Variants in SAMD15 observed in about 807,000 individuals in gnomAD.
SAMD15 encodes sterile alpha motif domain containing 15.
SAMD15 carries 37 observed loss-of-function variants against 50.5 expected under a neutral mutation model. The ratio of observed to expected loss-of-function variants is 0.73; its 90% CI spans 0.56 to 0.96. The LOEUF (loss-of-function observed/expected upper bound fraction) is 0.96, where lower values mean the gene tolerates loss of function less well. SAMD15 is among the 40% of genes least tolerant of loss of function. The pLI is 0.00. For synonymous variants in SAMD15, 255 were observed against 282.8 expected (o/e 0.90, Z 0.99); for missense variants, 789 against 783.8 (o/e 1.01, Z -0.08).
intron 2 of SAMD15, 65 bp downstream of exon 2, chr14:77,380,546 A>G: frequency 9.3e-7 from 1 of 1,078,450 alleles, no homozygotes; most frequent in Non-Finnish European, 1.4e-6. Flanking sequence ...TCTCAAACCA[A>G]CCTTTTTTTC....
rs756886962 is a variant in SAMD15, at chr14:77,377,436, G to T, written c.18G>T (p.Glu6Asp). The T allele has an allele frequency of 1.2e-6, 2 of 1,610,496 alleles. No individual in the cohort carries two copies. The highest frequency in any genetic ancestry group is 3.4e-5 in the Admixed American group (2 of 59,024). MAEVP[E>D]DYDSGPDEDG... The stretch of plus-strand genomic sequence containing the variant: ...AGCTGCAAATGGCTGAAGTCCCGGA[G>T]GATTATGATTCCGGCCCAGATGAAG... Residue 6 changes from glutamate (E) to aspartate (D), a missense_variant, in exon 1 of 3, where the codon GAG becomes GAT. Physicochemically the swap from Glu to Asp is conservative, Grantham distance 45 (BLOSUM62 2). Around this residue, in one of 2 missense-constraint regions of SAMD15, gnomAD observed 770 missense variants for 745.4 expected, o/e 1.03. Transcript: ENST00000216471.
intron 2 of SAMD15, 101 bp downstream of exon 2, chr14:77,380,582 C>A: frequency 1.4e-6 from 1 of 719,124 alleles, no homozygotes; most frequent in Non-Finnish European, 2.5e-6. Flanking sequence ...CCACTTCTGT[C>A]AATGGTGTCA....
intron 2 of SAMD15, among the ~76,000 whole-genome samples, chr14:77,381,728 G>A (rs75079177): frequency 0.026 from 3,929 of 152,160 alleles, 158 homozygotes; most frequent in African/African-American, 0.089. Flanking sequence ...AAGATATAAC[G>A]AAACTTTTTA....
intron 1 of SAMD15, 81 bp downstream of exon 1, chr14:77,379,188 AC>A: frequency 7.7e-7 from 1 of 1,297,810 alleles, no homozygotes; most frequent in South Asian, 1.4e-5. Flanking sequence ...CTGAGCTCTT[AC>A]CTCTTTACCG....
At chr14:77,385,397 C>T (rs8020008) in intron 2 of SAMD15, among the ~76,000 whole-genome samples, 6,495 of 151,674 alleles carry the variant, frequency 0.043, 483 homozygotes, top group African/African-American at 0.15. Flanking sequence ...GCAATTCTTC[C>T]GCCTCAGCCT....
At position 77,378,652 on chromosome 14, in the gene SAMD15, C is replaced by A; in HGVS notation, c.1234C>A (p.Pro412Thr). The A allele has an allele frequency of 6.2e-7, 1 of 1,614,018 alleles. No homozygotes were observed. The highest frequency in any genetic ancestry group is 8.5e-7 in the Non-Finnish European group (1 of 1,179,990). Residue 412 changes from proline (P) to threonine (T), a missense_variant, in exon 1 of 3, where the codon CCA becomes ACA. Around this residue, in one of 2 missense-constraint regions of SAMD15, gnomAD observed 770 missense variants for 745.4 expected, o/e 1.03. Coordinates refer to ENST00000216471, the MANE Select transcript of SAMD15 (RefSeq NM_001010860.4). ...TCTAGAGTTACCAGATGAAACCAAACCAAGGGAGACACATGTAGAATTTTC... is the reference window on the plus strand; with the variant it reads ...TCTAGAGTTACCAGATGAAACCAAAACAAGGGAGACACATGTAGAATTTTC... ...KILELPDETK[P>T]RETHVEFSKE...
At position 77,391,300 on chromosome 14, in the gene SAMD15, G is replaced by GTA. The variant is rs942147855; in HGVS notation, c.*58_*59dup. ...CAAACTAAATTACTTGAGGGAAGAGGTATGGTCTTTTTTGGTTTTCTTTTT... is the reference window on the plus strand; with the variant it reads ...CAAACTAAATTACTTGAGGGAAGAGGTATATGGTCTTTTTTGGTTTTCTTTTT... On this transcript the variant is annotated 3_prime_UTR_variant, in exon 3 of 3. Transcript: ENST00000216471. The GTA allele has an allele frequency of 8.9e-7, 1 of 1,126,470 alleles. No homozygotes were observed. Among genetic ancestry groups the GTA allele is most frequent in the Non-Finnish European group, 1.3e-6 (1 of 773,096 alleles). 69.8% of individuals were successfully genotyped at this position (1,126,470 alleles called of 1,614,324 possible).
chr14:77,378,516 G>T lies in SAMD15; in HGVS notation c.1098G>T (p.Lys366Asn). 3 of 1,613,584 alleles carry T rather than the reference G, an allele frequency of 1.9e-6. No homozygotes were observed. Among genetic ancestry groups the T allele is most frequent in the Non-Finnish European group, 2.5e-6 (3 of 1,179,934 alleles). The change falls in exon 1 of 3, where the codon AAG (lysine) becomes AAT (asparagine). Residue 366 changes from lysine to asparagine, a missense_variant. Physicochemically the swap from Lys to Asn is moderately conservative, Grantham distance 94. Transcript: ENST00000216471. ...MKPESPEEIR[K>N]SNEKKNPQPP... ...CAGAAAGTCCAGAAGAGATAAGAAA[G>T]TCAAATGAGAAAAAAAATCCACAGC...
chr14:77,381,109 G>A (rs367771782), intron 2 of SAMD15, among the ~76,000 whole-genome samples: 2 of 152,088 alleles, frequency 1.3e-5, no homozygotes, highest in Non-Finnish European at 2.9e-5. Context: ...ATCTCCCCAA[G>A]AAGTCTTTTG....
At chr14:77,385,495 G>C (rs1186174310) in intron 2 of SAMD15, among the ~76,000 whole-genome samples, 5 of 151,822 alleles carry the variant, frequency 3.3e-5, no homozygotes, top group African/African-American at 1.2e-4. Context: ...CGCCATGTTG[G>C]CCAGGCTGGT....
At position 77,378,946 on chromosome 14, in the gene SAMD15, G is replaced by A; in HGVS notation, c.1528G>A (p.Glu510Lys). ...GACAGAATTAAGTGAGTTCGTTCAT[G>A]AAAAGGAAGTTGTAGATTTGTCCCA... ...SQTELSEFVH[E>K]KEVVDLSQEL... Residue 510 changes from glutamate to lysine, a missense_variant, in exon 1 of 3, where the codon GAA (glutamate) becomes AAA (lysine). Glu to Lys is a moderately conservative substitution (Grantham distance 56, BLOSUM62 1). Around this residue, in one of 2 missense-constraint regions of SAMD15, gnomAD observed 770 missense variants for 745.4 expected, o/e 1.03. Coordinates refer to ENST00000216471, the MANE Select transcript of SAMD15 (RefSeq NM_001010860.4). The A allele has an allele frequency of 6.2e-7, 1 of 1,614,184 alleles. No individual in the cohort carries two copies. Among genetic ancestry groups the A allele is most frequent in the Non-Finnish European group, 8.5e-7 (1 of 1,180,024 alleles).
intron 2 of SAMD15, among the ~76,000 whole-genome samples, chr14:77,388,915 A>G (rs1894039510): frequency 6.6e-6 from 1 of 152,112 alleles, no homozygotes; most frequent in South Asian, 2.1e-4. Context: ...CTTGGATCTC[A>G]GTTCTTAGAA....
intron 2 of SAMD15, among the ~76,000 whole-genome samples, chr14:77,388,310 G>A (rs1158714486): frequency 6.6e-6 from 1 of 152,098 alleles, no homozygotes; most frequent in Non-Finnish European, 1.5e-5. Flanking sequence ...GAATCAGGGT[G>A]AGATGCCTAC....
intron 2 of SAMD15, among the ~76,000 whole-genome samples, chr14:77,389,326 A>G (rs769429830): frequency 3.3e-5 from 4 of 119,540 alleles, no homozygotes; most frequent in Non-Finnish European, 6.6e-5. Flanking sequence ...TCTGACCAGT[A>G]GCTTTAAATT....
intron 2 of SAMD15, among the ~76,000 whole-genome samples, 168 bp downstream of exon 2, chr14:77,380,649 C>T (rs1206950462): frequency 6.6e-6 from 1 of 152,040 alleles, no homozygotes; most frequent in Non-Finnish European, 1.5e-5. Context: ...CCTTTGATCC[C>T]CATAAATATT....
At chr14:77,382,847 C>G (rs963654221) in intron 2 of SAMD15, among the ~76,000 whole-genome samples, 16 of 152,142 alleles carry the variant, frequency 1.1e-4, no homozygotes, top group Non-Finnish European at 1.9e-4. Flanking sequence ...TCCCAAGTAG[C>G]TGGGATTACA....
chr14:77,389,496 A>ATTTTTTTTT (rs768983521), intron 2 of SAMD15, among the ~76,000 whole-genome samples: 1 of 111,654 alleles, frequency 9.0e-6, no homozygotes, highest in Non-Finnish European at 1.7e-5. Context: ...GGCAATCACA[A>ATTTTTTTTT]TTTTTTTTTT....
At chr14:77,390,563 G>A (rs559901767) in intron 2 of SAMD15, among the ~76,000 whole-genome samples, 4 of 152,262 alleles carry the variant, frequency 2.6e-5, no homozygotes, top group Non-Finnish European at 5.9e-5. Flanking sequence ...TAGTAAGCCT[G>A]TGAATTTGTT....
At chr14:77,390,509 G>A (rs1894059971) in intron 2 of SAMD15, among the ~76,000 whole-genome samples, 1 of 152,172 alleles carries the variant, frequency 6.6e-6, no homozygotes, top group African/African-American at 2.4e-5. Flanking sequence ...ACTTTGAAAA[G>A]GATAATCATG....
Sources: gnomAD v4.1 joint callset for allele counts (sites outside exome capture counted in the v4.1 genomes callset) on GRCh38, gnomAD v4.1.1 for gene constraint, gnomAD v4.1.1 regional missense constraint, MANE v1.5 for transcripts, NCBI Gene and HGNC (gene_info 2026-07-23, HGNC 2026-07-21) for gene names.